Variants in CLSTN2 observed in about 807,000 individuals in gnomAD.
The protein encoded by CLSTN2 is calsyntenin-2.
Under a neutral mutation model 101.2 loss-of-function variants are expected in CLSTN2, and 48 were observed. The ratio of observed to expected loss-of-function variants is 0.47; its 90% CI spans 0.38 to 0.60. The LOEUF is 0.60. Among genes scored for constraint, CLSTN2 ranks in the 20% least tolerant of loss-of-function variants. CLSTN2 has a pLI of 0.00. For missense variants in CLSTN2, 1,160 were observed against 1,238.2 expected (o/e 0.94, Z 0.95); for synonymous variants, 481 against 463.6 (o/e 1.04, Z -0.48).
intron 1 of CLSTN2, among the ~76,000 whole-genome samples, chr3:139,967,391 G>T (rs1436832857): frequency 6.6e-6 from 1 of 152,182 alleles, no homozygotes; most frequent in Non-Finnish European, 1.5e-5. Flanking sequence ...CTGGGCATTG[G>T]GGTCTATAAG....
intron 1 of CLSTN2, among the ~76,000 whole-genome samples, chr3:140,173,324 T>C (rs1310691873): frequency 6.6e-6 from 1 of 152,248 alleles, no homozygotes; most frequent in African/African-American, 2.4e-5. Flanking sequence ...CAGGTCACCC[T>C]GATGCAAGAG....
In CLSTN2 at chr3:140,558,762, A is replaced by G; in HGVS notation, c.1946A>G (p.Gln649Arg). 1 of 1,614,090 alleles carries G rather than the reference A, an allele frequency of 6.2e-7. No homozygotes were observed. The highest frequency in any genetic ancestry group is 8.5e-7 in the Non-Finnish European group (1 of 1,180,004). The change falls in exon 12 of 17, where the codon CAG (glutamine) becomes CGG (arginine). Residue 649 changes from glutamine to arginine, a missense_variant. Coordinates refer to ENST00000458420, the MANE Select transcript of CLSTN2 (RefSeq NM_022131.3). Reference protein sequence around the residue: ...GTDHFWRPAAQFESARGVTLF... With the variant: ...GTDHFWRPAARFESARGVTLF... ...GACCACTTCTGGAGACCTGCTGCCCAGTTTGAAAGTGCCAGGGGAGTGACC... is the reference window on the plus strand; with the variant it reads ...GACCACTTCTGGAGACCTGCTGCCCGGTTTGAAAGTGCCAGGGGAGTGACC...
At chr3:140,103,851 C>T (rs369056711) in intron 1 of CLSTN2, among the ~76,000 whole-genome samples, 76 of 152,144 alleles carry the variant, frequency 5.0e-4, no homozygotes, top group African/African-American at 1.2e-3. Flanking sequence ...AAGATAAACA[C>T]ATAAAAAAGG....
At position 140,404,571 on chromosome 3, in the gene CLSTN2, A is replaced by T; in HGVS notation, c.442A>T (p.Ile148Leu). 1 of 1,614,118 alleles carries T rather than the reference A, an allele frequency of 6.2e-7. No homozygotes were observed. The highest frequency in any genetic ancestry group is 1.1e-5 in the South Asian group (1 of 91,074). The change falls in exon 4 of 17, where the codon ATA becomes TTA. Residue 148 changes from isoleucine to leucine, a missense_variant. Physicochemically the swap from Ile to Leu is conservative, Grantham distance 5. Transcript: ENST00000458420. ...WKKSHKAVVH[I>L]QVKDVNEFAP... ...GTGTGGTCCCAGGGCCGTGGTCCAT[A>T]TACAGGTGAAGGATGTCAACGAGTT...
intron 2 of CLSTN2, among the ~76,000 whole-genome samples, chr3:140,371,978 G>T (rs1159143013): frequency 2.0e-5 from 3 of 152,294 alleles, no homozygotes; most frequent in East Asian, 3.9e-4. Flanking sequence ...TGGCAACTGG[G>T]TTTGTAACTG....
intron 2 of CLSTN2, among the ~76,000 whole-genome samples, chr3:140,376,965 C>T (rs2087924548): frequency 6.6e-6 from 1 of 151,470 alleles, no homozygotes; most frequent in Non-Finnish European, 1.5e-5. Context: ...CAGATGCATA[C>T]AGGAATTGGC....
At chr3:140,074,745 G>A (rs1028664269) in intron 1 of CLSTN2, among the ~76,000 whole-genome samples, 1 of 152,086 alleles carries the variant, frequency 6.6e-6, no homozygotes, top group Admixed American at 6.5e-5. Context: ...ATTTGACTCC[G>A]GAGCCTGAGC....
At chr3:140,053,877 C>T (rs1182913215) in intron 1 of CLSTN2, among the ~76,000 whole-genome samples, 3 of 152,156 alleles carry the variant, frequency 2.0e-5, no homozygotes, top group African/African-American at 2.4e-5. Flanking sequence ...GGTATCAACA[C>T]ATGTAAGGAA....
At chr3:140,035,226 G>A (rs971885444) in intron 1 of CLSTN2, among the ~76,000 whole-genome samples, 5 of 152,174 alleles carry the variant, frequency 3.3e-5, no homozygotes, top group African/African-American at 1.2e-4. Flanking sequence ...TCAGCTGTAG[G>A]AATTCTGATC....
intron 6 of CLSTN2, among the ~76,000 whole-genome samples, chr3:140,451,372 G>A (rs1933247181): frequency 1.3e-5 from 2 of 152,154 alleles, no homozygotes; most frequent in African/African-American, 4.8e-5. Context: ...CTTGCAGAAG[G>A]GCAGGTTAAT....
At chr3:140,360,773 GA>G (rs1043230345) in intron 2 of CLSTN2, among the ~76,000 whole-genome samples, 20 of 151,282 alleles carry the variant, frequency 1.3e-4, no homozygotes, top group Admixed American at 3.3e-4. Context: ...AAAAGTCGAA[GA>G]AAAAAAACCC....
intron 1 of CLSTN2, among the ~76,000 whole-genome samples, chr3:140,004,506 A>G (rs917531611): frequency 3.3e-5 from 5 of 152,208 alleles, no homozygotes; most frequent in South Asian, 2.1e-4. Flanking sequence ...AGGGAGGATG[A>G]ACCTCTAAAA....
chr3:140,561,143 C>T (rs1030122267), intron 12 of CLSTN2, among the ~76,000 whole-genome samples: 1 of 151,868 alleles, frequency 6.6e-6, no homozygotes, highest in Non-Finnish European at 1.5e-5. Context: ...ATTTAGTACA[C>T]TTTATAAATA....
intron 1 of CLSTN2, among the ~76,000 whole-genome samples, chr3:140,155,223 AGTATCATC>A (rs1361393768): frequency 6.6e-6 from 1 of 152,220 alleles, no homozygotes; most frequent in Non-Finnish European, 1.5e-5. Context: ...AGGCTAAGGT[AGTATCATC>A]TGGGAATGGA....
chr3:140,287,388 G>A (rs2107900655), intron 2 of CLSTN2, among the ~76,000 whole-genome samples: 1 of 152,308 alleles, frequency 6.6e-6, no homozygotes, highest in South Asian at 2.1e-4. Context: ...GCATGGAAGG[G>A]TGGATTGTAC....
chr3:140,335,793 A>T (rs2107932624), intron 2 of CLSTN2, among the ~76,000 whole-genome samples: 1 of 152,372 alleles, frequency 6.6e-6, no homozygotes, highest in African/African-American at 2.4e-5. Context: ...CATGGGCTTA[A>T]GGAAGTCAAT....
chr3:140,079,666 G>C (rs891252151), intron 1 of CLSTN2, among the ~76,000 whole-genome samples: 1 of 151,678 alleles, frequency 6.6e-6, no homozygotes, highest in Non-Finnish European at 1.5e-5. Flanking sequence ...CAGGAGAATC[G>C]CTTGAACCCG....
At chr3:140,174,890 G>T (rs9818712) in intron 1 of CLSTN2, among the ~76,000 whole-genome samples, 38,290 of 152,068 alleles carry the variant, frequency 0.25, 5,278 homozygotes, top group African/African-American at 0.34. Flanking sequence ...ATTGTCTCAC[G>T]TTTATGGATG....
At position 140,412,365 on chromosome 3, in the gene CLSTN2, G is replaced by A. The variant is rs557232755; in HGVS notation, c.637+7599G>A. ...TTAAAACAAGCAGGCATGAGTTCTA[G>A]GAGGTCACATGTTCACTGAAAGGTA... is the stretch of plus-strand genomic sequence containing the variant. On this transcript the variant is annotated intron_variant, in intron 4 of 16. Coordinates refer to ENST00000458420, the MANE Select transcript of CLSTN2 (RefSeq NM_022131.3). 4.6e-5 allele frequency among the ~76,000 whole-genome samples: 7 copies of A among 152,280 alleles called. No homozygotes were observed. In the East Asian group the frequency reaches 1.4e-3, roughly 29 times the overall value.
Sources: allele counts gnomAD v4.1 joint callset (sites outside exome capture counted in the v4.1 genomes callset), GRCh38; gene constraint gnomAD v4.1.1; transcripts MANE v1.5; gene names NCBI Gene and HGNC (gene_info 2026-07-23, HGNC 2026-07-21).